ESRRB: variants seen among roughly 807,000 people sequenced by gnomAD.
ESRRB encodes estrogen related receptor beta.
A neutral mutation model predicts 46.0 loss-of-function variants in ESRRB; 16 were observed. That is an observed-to-expected ratio of 0.35 (90% confidence interval 0.24 to 0.53). The LOEUF (loss-of-function observed/expected upper bound fraction) is 0.53. Ranked by LOEUF, ESRRB falls within the 20% of genes least tolerant of loss-of-function variation. The pLI is 0.93. For synonymous variants in ESRRB, 246 were observed against 259.6 expected (o/e 0.95, Z 0.50); for missense variants, 488 against 607.4 (o/e 0.80, Z 2.07).
upstream of ESRRB, among the ~76,000 whole-genome samples, chr14:76,370,238 A>AC (rs1884589961): frequency 1.3e-5 from 2 of 151,808 alleles, no homozygotes; most frequent in East Asian, 3.9e-4. Context: ...AAAAAAAAAA[A>AC]AACACAAAAG....
At position 76,491,556 on chromosome 14, in the gene ESRRB, G is replaced by C. The variant is rs1212392328; in HGVS notation, c.960G>C (p.Leu320=). ...VYRSLPYDDK[L]VYAEDYIMDE... is the part of the protein sequence containing the mutation. ...GCTCGCTGCCCTATGACGACAAGCT[G>C]GTGTACGCTGAGGACTACATCATGG... The change falls in exon 6 of 7, where the codon CTG becomes CTC. Residue 320 remains leucine (L), a synonymous_variant. Coordinates refer to ENST00000644823, the MANE Select transcript of ESRRB (RefSeq NM_001379180.1). 6.3e-7 allele frequency: 1 copy of C among 1,592,880 alleles called. No homozygotes were observed. The highest frequency in any genetic ancestry group is 8.5e-7 in the Non-Finnish European group (1 of 1,170,254).
chr14:76,485,910 A>T (rs928989547), intron 5 of ESRRB, among the ~76,000 whole-genome samples: 1 of 152,222 alleles, frequency 6.6e-6, no homozygotes, highest in East Asian at 1.9e-4. Context: ...GTCACTACAC[A>T]TGAGGTCCCC....
At chr14:76,388,252 C>G (rs1473320168) in intron 1 of ESRRB, among the ~76,000 whole-genome samples, 4 of 148,484 alleles carry the variant, frequency 2.7e-5, no homozygotes, top group Non-Finnish European at 5.9e-5. Flanking sequence ...AATCTCGGCT[C>G]ACTGCGCGCT....
At chr14:76,359,423 T>C (rs1231902899) in intron 1 of ESRRB, among the ~76,000 whole-genome samples, 3 of 152,220 alleles carry the variant, frequency 2.0e-5, no homozygotes, top group African/African-American at 7.2e-5. Context: ...ATTGAGCAAT[T>C]ACTCTATGCC....
intron 1 of ESRRB, among the ~76,000 whole-genome samples, chr14:76,321,104 T>C (rs1446537576): frequency 6.6e-6 from 1 of 152,234 alleles, no homozygotes. Context: ...CAATTCTTTT[T>C]ACTGTGTCTA....
intron 2 of ESRRB, among the ~76,000 whole-genome samples, chr14:76,456,275 G>A (rs922086739): frequency 2.0e-5 from 3 of 152,120 alleles, no homozygotes; most frequent in Non-Finnish European, 4.4e-5. Flanking sequence ...CTCTGAGACA[G>A]TTCCCACTCC....
chr14:76,437,109 G>A (rs1011769451), intron 1 of ESRRB, among the ~76,000 whole-genome samples: 2 of 152,162 alleles, frequency 1.3e-5, no homozygotes, highest in Non-Finnish European at 1.5e-5. Flanking sequence ...TCGGCTCACT[G>A]CAACTTCTGC....
intron 3 of ESRRB, among the ~76,000 whole-genome samples, chr14:76,469,262 T>G (rs555660233): frequency 1.6e-4 from 24 of 152,012 alleles, no homozygotes; most frequent in African/African-American, 5.1e-4. Flanking sequence ...CCCAGCTAAG[T>G]TTTTGTATTT....
intron 6 of ESRRB, among the ~76,000 whole-genome samples, chr14:76,497,097 G>A (rs1025386917): frequency 2.6e-5 from 4 of 152,198 alleles, no homozygotes; most frequent in Non-Finnish European, 4.4e-5. Flanking sequence ...GCTGGCAGGA[G>A]TCAGGAGCCC....
chr14:76,391,240 C>G (rs1885457625), intron 1 of ESRRB, among the ~76,000 whole-genome samples: 2 of 152,188 alleles, frequency 1.3e-5, no homozygotes, highest in Non-Finnish European at 2.9e-5. Context: ...TTGGGCTTTT[C>G]TAGACTCCTC....
intron 1 of ESRRB, among the ~76,000 whole-genome samples, chr14:76,329,047 G>C (rs1177650111): frequency 6.6e-6 from 1 of 152,178 alleles, no homozygotes; most frequent in East Asian, 1.9e-4. Flanking sequence ...GGTTATGGGA[G>C]TGGGAGGGTA....
intron 1 of ESRRB, among the ~76,000 whole-genome samples, chr14:76,430,186 G>A (rs193039679): frequency 1.1e-4 from 17 of 152,172 alleles, no homozygotes; most frequent in African/African-American, 4.1e-4. Context: ...AGGAAATTTA[G>A]TTACAGTATA....
chr14:76,350,305 T>G (rs969049076), intron 1 of ESRRB, among the ~76,000 whole-genome samples: 3 of 152,196 alleles, frequency 2.0e-5, no homozygotes. Context: ...CTAGCTTCCT[T>G]TGATCATAGA....
Position 76,462,579 on chromosome 14 carries a change from G to A in ESRRB, c.495G>A (p.Glu165=). 1 of 1,614,142 alleles carries A rather than the reference G, an allele frequency of 6.2e-7. No homozygotes were observed. The highest frequency in any genetic ancestry group is 1.1e-5 in the South Asian group (1 of 91,084). The stretch of plus-strand genomic sequence containing the variant: ...AGTACAGCTGCCCGGCCACCAACGA[G>A]TGCGAGATCACCAAACGGAGGCGCA... ...NIEYSCPATN[E]CEITKRRRKS... is the part of the protein sequence containing the mutation. The change falls in exon 3 of 7, where the codon GAG becomes GAA. Residue 165 remains glutamate (E), a synonymous_variant. Transcript: ENST00000644823.
chr14:76,383,050 A>T (rs1885076715), intron 1 of ESRRB, among the ~76,000 whole-genome samples: 1 of 152,218 alleles, frequency 6.6e-6, no homozygotes, highest in South Asian at 2.1e-4. Context: ...TTCAAATGTG[A>T]TCAATTTTTA....
chr14:76,379,436 G>A (rs944457005), intron 1 of ESRRB, among the ~76,000 whole-genome samples: 9 of 152,174 alleles, frequency 5.9e-5, no homozygotes, highest in Non-Finnish European at 1.2e-4. Context: ...GGGTTCACAC[G>A]TAGGAAAAAT....
In ESRRB at chr14:76,442,680, C is replaced by T. The variant is rs187705970; in HGVS notation, c.460+2930C>T. On this transcript the variant is annotated intron_variant, in intron 2 of 6. Transcript: ENST00000644823. ...TTAAGACATATTATTATGAAAACAACGGACACATTTATCTTATAGAATAAG... is the reference window on the plus strand; with the variant it reads ...TTAAGACATATTATTATGAAAACAATGGACACATTTATCTTATAGAATAAG... 4.5e-4 allele frequency among the ~76,000 whole-genome samples: 68 copies of T among 151,926 alleles called. No homozygotes were observed. The East Asian group carries it at 8.5e-3, about 19-fold the overall frequency.
Position 76,482,854 on chromosome 14 carries a change from T to C in ESRRB, c.850+95T>C, listed in dbSNP as rs147738716. 3.3e-4 allele frequency: 490 copies of C among 1,479,022 alleles called. 4 individuals carry two copies. In the East Asian group the frequency reaches 9.8e-3, roughly 29 times the overall value. 91.6% of individuals were successfully genotyped at this position (1,479,022 alleles called of 1,614,324 possible). The stretch of plus-strand genomic sequence containing the variant: ...GGCTGTGCTTCTGATGCCCGGATCC[T>C]GGACCCCAGAAGGCCTGTGAAATCC... On this transcript the variant is annotated intron_variant, in intron 5 of 6. Transcript: ENST00000644823. This position sits in a 1 kb window ranked among gnomAD's most constrained non-coding sequence, Gnocchi z 4.3.
At chr14:76,428,262 C>A (rs1211503642) in intron 1 of ESRRB, among the ~76,000 whole-genome samples, 1 of 151,996 alleles carries the variant, frequency 6.6e-6, no homozygotes, top group South Asian at 2.1e-4. Context: ...CCTCCCAAAG[C>A]GCTGGGATTA....
Sources: allele counts gnomAD v4.1 joint callset (sites outside exome capture counted in the v4.1 genomes callset), GRCh38; gene constraint gnomAD v4.1.1; non-coding constraint Gnocchi (gnomAD v3.1); transcripts MANE v1.5; gene names NCBI Gene and HGNC (gene_info 2026-07-23, HGNC 2026-07-21).